Variants in CA4 observed in about 807,000 individuals in gnomAD.
The protein encoded by CA4 is CA-IV.
In CA4, 24 loss-of-function variants were observed where a neutral mutation model predicts 34.5. The ratio of observed to expected loss-of-function variants is 0.70; its 90% confidence interval spans 0.50 to 0.98. The LOEUF (loss-of-function observed/expected upper bound fraction) is 0.98. CA4 is among the 50% of genes least tolerant of loss of function. The pLI is 0.00. For synonymous variants in CA4, 178 were observed against 170.6 expected, an observed-to-expected ratio of 1.04 and a Z score of -0.34; for missense variants, 394 against 396.7, an observed-to-expected ratio of 0.99 and a Z score of 0.06.
rs761553374 is a variant in CA4, at chr17:60,158,398, G to C, written c.696G>C (p.Lys232Asn). The C allele has an allele frequency of 5.6e-6, 9 of 1,614,046 alleles. No homozygotes were observed. The African/African-American group carries it at 1.2e-4, about 22-fold the overall frequency. The change falls in exon 7 of 8, where the codon AAG (lysine) becomes AAC (asparagine). Residue 232 changes from lysine to asparagine, a missense_variant. Lys to Asn is a moderately conservative substitution (Grantham distance 94). Coordinates refer to ENST00000300900, the MANE Select transcript of CA4 (RefSeq NM_000717.5). The stretch of plus-strand genomic sequence containing the variant: ...TCACCACACCGACCTGCGATGAGAA[G>C]GTCGTCTGGACTGTGTTCCGGGAGC... ...GSLTTPTCDE[K>N]VVWTVFREPI...
intron 2 of CA4, 68 bp downstream of exon 2, chr17:60,155,435 C>A: frequency 7.5e-7 from 1 of 1,338,406 alleles, no homozygotes; most frequent in Non-Finnish European, 1.1e-6. Context: ...GAAATGGAGA[C>A]CCCGGAAGAG....
chr17:60,158,996 C>A (rs1042170303), intron 7 of CA4: 1 of 589,106 alleles, frequency 1.7e-6, no homozygotes, highest in African/African-American at 1.9e-5. Context: ...CATTGCGGGC[C>A]CCCTGGGGTG....
chr17:60,154,797 A>G (rs1333622633), intron 1 of CA4, among the ~76,000 whole-genome samples: 3 of 152,086 alleles, frequency 2.0e-5, no homozygotes, highest in Middle Eastern at 3.2e-3. Context: ...CCAAGAAGGG[A>G]TCTTAGTAAC....
chr17:60,159,890 G>A (rs1358486421), downstream of CA4, among the ~76,000 whole-genome samples: 1 of 152,170 alleles, frequency 6.6e-6, no homozygotes, highest in Non-Finnish European at 1.5e-5. Flanking sequence ...CTGTAATCCT[G>A]GCACGTTGCG....
At chr17:60,176,986 C>G in the CA4 span, among the ~76,000 whole-genome samples, 1 of 152,172 alleles carries the variant, frequency 6.6e-6, no homozygotes, top group Non-Finnish European at 1.5e-5. Flanking sequence ...GGGAGCGGCT[C>G]TAAATACAGC....
downstream of CA4, among the ~76,000 whole-genome samples, chr17:60,173,919 C>G (rs1350614106): frequency 2.6e-5 from 4 of 152,114 alleles, no homozygotes; most frequent in Non-Finnish European, 5.9e-5. Flanking sequence ...ACTGTTGCCC[C>G]CAGAGAAACT....
downstream of CA4, among the ~76,000 whole-genome samples, chr17:60,173,135 C>T (rs1276338126): frequency 4.6e-5 from 7 of 151,924 alleles, no homozygotes; most frequent in Admixed American, 3.9e-4. Context: ...AAGAGCGAAA[C>T]TCCGTCTCAA....
At chr17:60,153,103 C>T (rs1185969829) in intron 1 of CA4, among the ~76,000 whole-genome samples, 1 of 152,032 alleles carries the variant, frequency 6.6e-6, no homozygotes. Flanking sequence ...TTTGGGAGGC[C>T]GAGGCGGGTG....
At chr17:60,157,194 C>T (rs1402836394) in intron 3 of CA4, among the ~76,000 whole-genome samples, 1 of 152,168 alleles carries the variant, frequency 6.6e-6, no homozygotes, top group Non-Finnish European at 1.5e-5. Context: ...CAGTTTGGGG[C>T]AGTGGAGGGT....
At chr17:60,150,654 T>TAAAAA (rs66850461) in intron 1 of CA4, among the ~76,000 whole-genome samples, 2 of 33,864 alleles carry the variant, frequency 5.9e-5, no homozygotes, top group Non-Finnish European at 1.3e-4. Context: ...GTGCTCCGTT[T>TAAAAA]AAAAAAAAAA....
At chr17:60,160,556 G>A (rs2083774830), downstream of CA4, among the ~76,000 whole-genome samples, 1 of 152,050 alleles carries the variant, frequency 6.6e-6, no homozygotes, top group African/African-American at 2.4e-5. Context: ...CTGAGGTCAG[G>A]GGTTTGAGAC....
chr17:60,172,150 G>A (rs908324786), downstream of CA4, among the ~76,000 whole-genome samples: 1 of 152,138 alleles, frequency 6.6e-6, no homozygotes, highest in African/African-American at 2.4e-5. Flanking sequence ...AGAGGATCCT[G>A]CTACAGATAA....
At chr17:60,157,038 C>T (rs535629412) in intron 3 of CA4, 6 of 518,448 alleles carry the variant, frequency 1.2e-5, no homozygotes, top group Admixed American at 3.2e-5. Context: ...GACAGTGAAG[C>T]CAGGCAGAGC....
chr17:60,172,947 G>A (rs1026716052), downstream of CA4, among the ~76,000 whole-genome samples: 64 of 151,960 alleles, frequency 4.2e-4, no homozygotes, highest in Non-Finnish European at 7.4e-5. Flanking sequence ...AGTTCAAGAC[G>A]AGCCTGACCA....
intron 2 of CA4, among the ~76,000 whole-genome samples, 177 bp from the exon 3 acceptor site, chr17:60,156,383 C>T (rs1034863985): frequency 2.6e-5 from 4 of 152,132 alleles, no homozygotes; most frequent in Admixed American, 2.6e-4. Flanking sequence ...AGGAGGAGGG[C>T]CCAGGGAGGG....
At chr17:60,173,510 G>A (rs970494411), downstream of CA4, among the ~76,000 whole-genome samples, 1 of 152,136 alleles carries the variant, frequency 6.6e-6, no homozygotes, top group Non-Finnish European at 1.5e-5. Context: ...CATTTCCCTG[G>A]GGTACACTGT....
intron 5 of CA4, among the ~76,000 whole-genome samples, chr17:60,166,231 C>A (rs776721628): frequency 6.6e-6 from 1 of 152,210 alleles, no homozygotes; most frequent in Non-Finnish European, 1.5e-5. Context: ...GACTCAGCCT[C>A]CCAAGTAGCT....
intron 1 of CA4, among the ~76,000 whole-genome samples, chr17:60,154,725 G>A (rs891053465): frequency 6.6e-6 from 1 of 152,172 alleles, no homozygotes; most frequent in South Asian, 2.1e-4. Context: ...AGGACTGTGC[G>A]GTTGAGGGGC....
At chr17:60,151,025 G>A (rs868608188) in intron 1 of CA4, among the ~76,000 whole-genome samples, 4 of 152,342 alleles carry the variant, frequency 2.6e-5, no homozygotes, top group South Asian at 4.1e-4. Flanking sequence ...GTGAAGCCGA[G>A]CTCTTAATTA....
Sources: gnomAD v4.1 joint callset for allele counts (sites outside exome capture counted in the v4.1 genomes callset) on GRCh38, gnomAD v4.1.1 for gene constraint, MANE v1.5 for transcripts, NCBI Gene and HGNC (gene_info 2026-07-23, HGNC 2026-07-21) for gene names.